Variants in DARS1 observed in about 807,000 individuals in gnomAD.
DARS1 encodes the protein aspartate--tRNA ligase, cytoplasmic.
DARS1 carries 51 observed loss-of-function variants against 68.8 expected under a neutral mutation model. That is an observed-to-expected ratio of 0.74 (90% CI 0.59 to 0.94). The LOEUF is 0.94. Among genes scored for constraint, DARS1 ranks in the 40% least tolerant of loss-of-function variants. The pLI, the probability that DARS1 is intolerant of heterozygous loss-of-function variation, is 0.00. For synonymous variants in DARS1, 203 were observed against 190.4 expected (o/e 1.07, Z -0.55); for missense variants, 607 against 597.3 (o/e 1.02, Z -0.17).
intron 5 of DARS1, among the ~76,000 whole-genome samples, chr2:135,941,062 T>C (rs147315851): frequency 0.023 from 3,501 of 152,228 alleles, 134 homozygotes; most frequent in African/African-American, 0.08. Context: ...GAAGAATCAA[T>C]ATTGTGAAAA....
At chr2:135,924,214 G>A (rs1681165692) in intron 8 of DARS1, among the ~76,000 whole-genome samples, 173 bp downstream of exon 8, 1 of 152,178 alleles carries the variant, frequency 6.6e-6, no homozygotes, top group African/African-American at 2.4e-5. Flanking sequence ...TACTTATTAA[G>A]GTTGGTGATA....
At chr2:135,912,408 T>C in intron 13 of DARS1, 78 bp downstream of exon 13, 2 of 621,210 alleles carry the variant, frequency 3.2e-6, no homozygotes, top group South Asian at 2.2e-5. Context: ...AAACCATTAT[T>C]CCTATTATAC....
In DARS1 at chr2:135,907,242, C is replaced by CTTTTTTTTT. The variant is rs992435404; in HGVS notation, c.*65_*73dup. On this transcript the variant is annotated 3_prime_UTR_variant, in exon 16 of 16. Coordinates refer to ENST00000264161, the MANE Select transcript of DARS1 (RefSeq NM_001349.4). The stretch of plus-strand genomic sequence containing the variant: ...TACTGAAAAGAATAAGTGTGGCTTT[C>CTTTTTTTTT]TTTTTTTTTTTTTTTTTTTGAGGCA... The CTTTTTTTTT allele has an allele frequency of 5.8e-4, 262 of 453,696 alleles. 19 individuals are homozygous for CTTTTTTTTT. The highest frequency in any genetic ancestry group is 3.7e-3 in the African/African-American group (130 of 35,346). The allele number at this position is 453,696 out of a possible 1,614,324, so 28.1% of individuals were successfully genotyped here.
In DARS1 at chr2:135,975,403, T is replaced by A. The variant is rs776246642; in HGVS notation, c.217+3871A>T. On this transcript the variant is annotated intron_variant, in intron 3 of 15. Transcript: ENST00000264161. The stretch of plus-strand genomic sequence containing the variant: ...CAGACATGAAAAGATATCCAAAAGA[T>A]AAAGAAAAGTGCAAGTTATAAAATA... 3.3e-5 allele frequency among the ~76,000 whole-genome samples: 5 copies of A among 151,742 alleles called. No homozygotes were observed. In the East Asian group the frequency reaches 9.8e-4, roughly 30 times the overall value.
chr2:135,920,713 T>C, intron 9 of DARS1, 113 bp from the exon 10 acceptor site: 1 of 1,341,612 alleles, frequency 7.5e-7, no homozygotes. Context: ...ATTTTCATAT[T>C]ACAGGGCTGG....
chr2:135,943,008 G>C (rs1681641826), intron 5 of DARS1, among the ~76,000 whole-genome samples: 2 of 152,136 alleles, frequency 1.3e-5, no homozygotes, highest in African/African-American at 4.8e-5. Context: ...TGTTCTTAGG[G>C]TTTCGCACTC....
At chr2:135,977,929 G>A (rs1682535483) in intron 3 of DARS1, among the ~76,000 whole-genome samples, 4 of 152,068 alleles carry the variant, frequency 2.6e-5, no homozygotes, top group Admixed American at 2.0e-4. Context: ...GATCACCTGA[G>A]GTCGGGAGTT....
At chr2:135,928,224 T>C (rs1007952668) in intron 7 of DARS1, among the ~76,000 whole-genome samples, 5 of 152,184 alleles carry the variant, frequency 3.3e-5, no homozygotes, top group South Asian at 2.1e-4. Context: ...TTAATGGCTG[T>C]AGAGAATTCC....
Position 135,975,206 on chromosome 2 carries a change from G to A in DARS1, c.217+4068C>T, listed in dbSNP as rs145010525. 7.3e-3 allele frequency among the ~76,000 whole-genome samples: 1,113 copies of A among 152,018 alleles called. 11 individuals carry two copies. Among genetic ancestry groups the A allele is most frequent in the African/African-American group, 0.025 (1,049 of 41,476 alleles). ...AAAAATACAAAAAAATTAGCCGGGC[G>A]TGGTGGCAGGTGTCTGTAGTCCCAG... On this transcript the variant is annotated intron_variant, in intron 3 of 15. Transcript: ENST00000264161.
At chr2:135,969,578 C>A (rs1682321562) in intron 3 of DARS1, among the ~76,000 whole-genome samples, 2 of 148,636 alleles carry the variant, frequency 1.3e-5, no homozygotes, top group African/African-American at 2.5e-5. Flanking sequence ...ATTATAAATG[C>A]AAAATTCCAC....
intron 13 of DARS1, among the ~76,000 whole-genome samples, chr2:135,911,839 T>G (rs1268096510): frequency 6.6e-6 from 1 of 152,226 alleles, no homozygotes; most frequent in Non-Finnish European, 1.5e-5. Flanking sequence ...TTAACAGGTG[T>G]GAGTCTTTAA....
intron 2 of DARS1, among the ~76,000 whole-genome samples, chr2:135,981,674 C>CTTTTTTT (rs1312008531): frequency 8.5e-5 from 12 of 140,554 alleles, no homozygotes; most frequent in African/African-American, 2.4e-4. Flanking sequence ...GAAATTTTGG[C>CTTTTTTT]TTTTTTTTTT....
chr2:135,925,827 C>T (rs1295572088), intron 7 of DARS1, among the ~76,000 whole-genome samples: 1 of 152,144 alleles, frequency 6.6e-6, no homozygotes, highest in Non-Finnish European at 1.5e-5. Flanking sequence ...AGCCTAGTGA[C>T]CTATTTAGCA....
At position 135,915,246 on chromosome 2, in the gene DARS1, T is replaced by C. The variant is rs1335725920; in HGVS notation, c.1107-735A>G. Among the ~76,000 whole-genome samples the C allele has an allele frequency of 2.0e-5, 3 of 152,192 alleles. No homozygotes were observed. In the East Asian group the frequency reaches 5.8e-4, roughly 29 times the overall value. ...TTAAAGGAATCATTCAAGGAAGTCT[T>C]GAATAAAATATAAGTAGATAGAAAT... On this transcript the variant is annotated intron_variant, in intron 11 of 15. Coordinates refer to ENST00000264161, the MANE Select transcript of DARS1 (RefSeq NM_001349.4).
chr2:135,931,310 C>A (rs531512765), intron 7 of DARS1, among the ~76,000 whole-genome samples: 2 of 152,252 alleles, frequency 1.3e-5, no homozygotes, highest in East Asian at 3.9e-4. Context: ...AAACATAGCT[C>A]ACTGCAGACT....
intron 13 of DARS1, among the ~76,000 whole-genome samples, chr2:135,911,968 G>A (rs184448944): frequency 1.3e-3 from 203 of 152,230 alleles, no homozygotes; most frequent in African/African-American, 4.5e-3. Context: ...CTGGAGTGGG[G>A]CCTGCAAATT....
chr2:135,922,674 A>G (rs1681128672), intron 9 of DARS1, 110 bp downstream of exon 9: 1 of 1,313,364 alleles, frequency 7.6e-7, no homozygotes, highest in South Asian at 2.5e-5. Flanking sequence ...AGCAGATAAA[A>G]TAATTTAAGC....
chr2:135,966,826 T>C (rs917581436), intron 3 of DARS1, among the ~76,000 whole-genome samples: 1 of 152,176 alleles, frequency 6.6e-6, no homozygotes, highest in African/African-American at 2.4e-5. Flanking sequence ...GGTCTATCTT[T>C]TGATATTTTA....
At chr2:135,984,938 C>T (rs1202967141) in intron 1 of DARS1, among the ~76,000 whole-genome samples, 1 of 152,166 alleles carries the variant, frequency 6.6e-6, no homozygotes, top group East Asian at 1.9e-4. Context: ...TTAAAGCTGT[C>T]ACATGGGAAA....
Sources: gnomAD v4.1 joint callset for allele counts (sites outside exome capture counted in the v4.1 genomes callset) on GRCh38, gnomAD v4.1.1 for gene constraint, MANE v1.5 for transcripts, NCBI Gene and HGNC (gene_info 2026-07-23, HGNC 2026-07-21) for gene names.